The following STARD13 variants were observed in gnomAD, a reference collection of about 807,000 sequenced individuals.
The protein encoded by STARD13 is StAR related lipid transfer domain containing 13.
A neutral mutation model predicts 106.4 loss-of-function variants in STARD13; 62 were observed. That is an observed-to-expected ratio of 0.58 (90% confidence interval 0.48 to 0.72). The LOEUF (loss-of-function observed/expected upper bound fraction) is 0.72, where lower values mean the gene tolerates loss of function less well. Ranked by LOEUF, STARD13 falls within the 30% of genes least tolerant of loss-of-function variation. The pLI, the probability that STARD13 is intolerant of heterozygous loss-of-function variation, is 0.00. For synonymous variants in STARD13, 565 were observed against 553.0 expected (o/e 1.02, Z -0.31); for missense variants, 1,387 against 1,424.0 (o/e 0.97, Z 0.42).
At chr13:33,409,673 C>A in the STARD13 span, among the ~76,000 whole-genome samples, 1 of 152,168 alleles carries the variant, frequency 6.6e-6, no homozygotes, top group Non-Finnish European at 1.5e-5. Context: ...CATTTCTCCC[C>A]ACCTTGGATA....
intron 1 of STARD13, among the ~76,000 whole-genome samples, chr13:33,255,612 T>C (rs755645442): frequency 1.3e-5 from 2 of 152,124 alleles, no homozygotes; most frequent in African/African-American, 2.4e-5. Context: ...CCATACCTAC[T>C]GAGGCTGCTA....
chr13:33,172,728 T>A (rs1884115310), intron 1 of STARD13, among the ~76,000 whole-genome samples: 1 of 152,218 alleles, frequency 6.6e-6, no homozygotes, highest in Non-Finnish European at 1.5e-5. Context: ...GTATTGGGTA[T>A]CCTTTCTAAA....
the STARD13 span, among the ~76,000 whole-genome samples, chr13:33,375,843 C>A: frequency 6.6e-6 from 1 of 151,958 alleles, no homozygotes; most frequent in Non-Finnish European, 1.5e-5. Context: ...CCATATCAGC[C>A]CCCTTTCACA....
intron 4 of STARD13, among the ~76,000 whole-genome samples, chr13:33,132,591 C>T (rs1243327967): frequency 6.6e-6 from 1 of 152,126 alleles, no homozygotes; most frequent in East Asian, 1.9e-4. Context: ...TGGCTCACGC[C>T]TGTAATCTCA....
chr13:33,314,103 C>T (rs1034843262), intron 1 of STARD13, among the ~76,000 whole-genome samples: 7 of 152,126 alleles, frequency 4.6e-5, no homozygotes, highest in African/African-American at 1.7e-4. Flanking sequence ...CTAGATGTGG[C>T]ATAGTTAACT....
chr13:33,519,381 C>G, the STARD13 span, among the ~76,000 whole-genome samples: 52,244 of 146,930 alleles, frequency 0.36, 9,550 homozygotes, highest in Middle Eastern at 0.38. Context: ...AAGATGGAAC[C>G]CCATCACCAT....
the STARD13 span, among the ~76,000 whole-genome samples, chr13:33,494,637 G>A: frequency 1.9e-4 from 29 of 151,992 alleles, no homozygotes; most frequent in African/African-American, 6.8e-4. Context: ...ATAGAACAGT[G>A]GTCAACAGGA....
chr13:33,272,159 T>C (rs1198972655), intron 1 of STARD13, among the ~76,000 whole-genome samples: 1 of 152,202 alleles, frequency 6.6e-6, no homozygotes, highest in East Asian at 1.9e-4. Flanking sequence ...TCAACAAAAG[T>C]AGCTACAGGT....
intron 1 of STARD13, among the ~76,000 whole-genome samples, chr13:33,294,778 T>C (rs1892424434): frequency 1.3e-5 from 2 of 152,216 alleles, no homozygotes; most frequent in East Asian, 1.9e-4. Context: ...TAGGATTCTA[T>C]AACCTCCTCC....
chr13:33,639,208 G>A, the STARD13 span, among the ~76,000 whole-genome samples: 1 of 152,204 alleles, frequency 6.6e-6, no homozygotes, highest in Admixed American at 6.5e-5. Context: ...GTTAACAGGA[G>A]GAGGTTGCTT....
At chr13:33,304,895 T>G (rs1391026124) in intron 1 of STARD13, among the ~76,000 whole-genome samples, 3 of 152,238 alleles carry the variant, frequency 2.0e-5, no homozygotes, top group Admixed American at 6.5e-5. Flanking sequence ...ACCATGGGTT[T>G]GAGGCTGAGA....
At chr13:33,665,663 A>T in the STARD13 span, among the ~76,000 whole-genome samples, 4 of 152,232 alleles carry the variant, frequency 2.6e-5, no homozygotes, top group African/African-American at 9.6e-5. Flanking sequence ...GAGAACGTGC[A>T]TCTTTATTTT....
the STARD13 span, among the ~76,000 whole-genome samples, chr13:33,547,160 A>T: frequency 6.6e-6 from 1 of 152,172 alleles, no homozygotes; most frequent in African/African-American, 2.4e-5. Flanking sequence ...CCATGTATTG[A>T]TCAGAATTAG....
the STARD13 span, among the ~76,000 whole-genome samples, chr13:33,395,015 A>G: frequency 1.3e-5 from 2 of 152,230 alleles, no homozygotes; most frequent in Non-Finnish European, 2.9e-5. Flanking sequence ...TAGTTTATCC[A>G]TCAGGACTCA....
At chr13:33,450,266 C>A in the STARD13 span, among the ~76,000 whole-genome samples, 3 of 152,024 alleles carry the variant, frequency 2.0e-5, no homozygotes, top group Admixed American at 1.3e-4. Context: ...CCTTCTATAC[C>A]TAATTTGTTG....
chr13:33,628,006 C>G, the STARD13 span, among the ~76,000 whole-genome samples: 1 of 147,266 alleles, frequency 6.8e-6, no homozygotes, highest in Non-Finnish European at 1.5e-5. Flanking sequence ...CGCTCTGTTG[C>G]CAGGCTGGAG....
chr13:33,358,218 G>A, the STARD13 span, among the ~76,000 whole-genome samples: 2 of 152,050 alleles, frequency 1.3e-5, no homozygotes, highest in Non-Finnish European at 2.9e-5. Flanking sequence ...GCCTTCCCAT[G>A]GGGCAGGGCT....
At chr13:33,537,466 T>C in the STARD13 span, among the ~76,000 whole-genome samples, 1 of 152,222 alleles carries the variant, frequency 6.6e-6, no homozygotes, top group African/African-American at 2.4e-5. Flanking sequence ...AGGTATCTTA[T>C]TTGACACTTT....
rs796184276 is a variant in STARD13, at chr13:33,104,319, A to G, written c.*1274T>C. 1.2e-4 allele frequency: 19 copies of G among 152,560 alleles called. No homozygotes were observed. Among genetic ancestry groups the G allele is most frequent in the African/African-American group, 4.6e-4 (19 of 41,600 alleles). 9.5% of individuals were successfully genotyped at this position (152,560 alleles called of 1,614,324 possible). On this transcript the variant is annotated 3_prime_UTR_variant, in exon 14 of 14. Coordinates refer to ENST00000336934, the MANE Select transcript of STARD13 (RefSeq NM_178006.4). ...TAATAAATAAGGTTGGGTCAAATGCATAGGTAGCTTGGACTGGCTAGTGAA... is the reference window on the plus strand; with the variant it reads ...TAATAAATAAGGTTGGGTCAAATGCGTAGGTAGCTTGGACTGGCTAGTGAA...
Sources: allele counts gnomAD v4.1 joint callset (sites outside exome capture counted in the v4.1 genomes callset), GRCh38; gene constraint gnomAD v4.1.1; transcripts MANE v1.5; gene names NCBI Gene and HGNC (gene_info 2026-07-23, HGNC 2026-07-21).